SYNE1: variants seen among roughly 807,000 people sequenced by gnomAD.
The protein encoded by SYNE1 is nesprin-1.
SYNE1 carries 616 observed loss-of-function variants against 1,111.0 expected under a neutral mutation model. That is an observed-to-expected ratio of 0.55 (90% CI 0.52 to 0.59). The LOEUF (loss-of-function observed/expected upper bound fraction) is 0.59. Among genes scored for constraint, SYNE1 ranks in the 20% least tolerant of loss-of-function variants. The pLI, the probability that SYNE1 is intolerant of heterozygous loss-of-function variation, is 0.00. For missense variants in SYNE1, 10,006 were observed against 10,417.0 expected, an observed-to-expected ratio of 0.96 and a Z score of 1.72; for synonymous variants, 3,855 against 3,825.8, an observed-to-expected ratio of 1.01 and a Z score of -0.28.
At chr6:152,502,082 T>C (rs974314420) in intron 10 of SYNE1, among the ~76,000 whole-genome samples, 1 of 152,182 alleles carries the variant, frequency 6.6e-6, no homozygotes, top group Non-Finnish European at 1.5e-5. Context: ...TTTCTTGATT[T>C]AAAAAATTTA....
At chr6:152,469,340 A>G (rs2098791525) in intron 16 of SYNE1, among the ~76,000 whole-genome samples, 9 of 152,052 alleles carry the variant, frequency 5.9e-5, no homozygotes. Context: ...TATCATCATC[A>G]TTATCATTAT....
Position 152,502,684 on chromosome 6 carries a change from C to G in SYNE1, c.837G>C (p.Leu279=). Residue 279 remains leucine, a synonymous_variant, in exon 10 of 146, where the codon CTG becomes CTC. Transcript: ENST00000367255. ...CATTGTGGATGTCAGGATAATGTTT[C>G]AGAAACTGGGCTACATAGGTCATAA... ...KSIMTYVAQF[L]KHYPDIHNAS... 1 of 1,613,960 alleles carries G rather than the reference C, an allele frequency of 6.2e-7. No homozygotes were observed. The highest frequency in any genetic ancestry group is 1.3e-5 in the African/African-American group (1 of 75,042).
intron 56 of SYNE1, 107 bp from the exon 57 acceptor site, chr6:152,377,019 A>G (rs2097293714): frequency 2.2e-6 from 3 of 1,376,994 alleles, no homozygotes; most frequent in Non-Finnish European, 1.0e-6. Context: ...GTGAGAGAAG[A>G]ACCAACATGG....
rs985250652 is a variant in SYNE1, at chr6:152,387,545, A to G, written c.8178-164T>C. Among the ~76,000 whole-genome samples the G allele has an allele frequency of 5.9e-5, 9 of 152,220 alleles. No individual in the cohort carries two copies. In the East Asian group the frequency reaches 1.2e-3, roughly 20 times the overall value. On this transcript the variant is annotated intron_variant, in intron 53 of 145. Coordinates refer to ENST00000367255, the MANE Select transcript of SYNE1 (RefSeq NM_182961.4). ...GGGAGAAACACTACTTCTCTGATCC[A>G]TAAGATCCTTACCACAGGTCCTTTG...
At position 152,450,648 on chromosome 6, in the gene SYNE1, G is replaced by A. The variant is rs1373222184; in HGVS notation, c.3372C>T (p.Asp1124=). 2.5e-6 allele frequency: 4 copies of A among 1,614,148 alleles called. No individual in the cohort carries two copies. The highest frequency in any genetic ancestry group is 1.7e-5 in the Admixed American group (1 of 60,022). ...STYRKLMEDP[D]KWKDYTSRFS... ...ACCTGCTAGTGTAGTCCTTCCACTT[G>A]TCTGGGTCTTCCATGAGCTTCCTGT... The change falls in exon 27 of 146, where the codon GAC becomes GAT. Residue 1124 remains aspartate, a synonymous_variant. Transcript: ENST00000367255.
intron 73 of SYNE1, among the ~76,000 whole-genome samples, chr6:152,345,926 A>T (rs181491195): frequency 6.6e-6 from 1 of 152,322 alleles, no homozygotes; most frequent in East Asian, 1.9e-4. Flanking sequence ...TCGTTTCTCA[A>T]ATTCTATATG....
rs1253895303 is a variant in SYNE1 at position 152,455,529 on chromosome 6, T to G, written c.2789A>C (p.Lys930Thr). Residue 930 changes from lysine (K) to threonine (T), a missense_variant, in exon 24 of 146, where the codon AAG becomes ACG. Lys to Thr is a moderately conservative substitution (Grantham distance 78). This residue lies in a region of SYNE1 where 1,971 missense variants were observed against 2,084.1 expected (regional missense o/e 0.95). Transcript: ENST00000367255. Reference protein sequence around the residue: ...KHVETNSRLMKKFEESRAELE... With the variant: ...KHVETNSRLMTKFEESRAELE... ...CTCTGCTCGAGACTCCTCAAACTTC[T>G]TCATCAAGCGACTGTTGGTTTCCAC... The G allele has an allele frequency of 6.2e-7, 1 of 1,614,156 alleles. No homozygotes were observed. The highest frequency in any genetic ancestry group is 1.7e-5 in the Admixed American group (1 of 60,006).
intron 25 of SYNE1, among the ~76,000 whole-genome samples, chr6:152,451,614 C>T (rs922031179): frequency 6.6e-6 from 1 of 151,254 alleles, no homozygotes. Context: ...TCCTGAGTAG[C>T]TGGGACTACA....
At chr6:152,275,391 T>A (rs141382018) in intron 98 of SYNE1, among the ~76,000 whole-genome samples, 92 of 152,328 alleles carry the variant, frequency 6.0e-4, no homozygotes, top group African/African-American at 2.2e-3. Flanking sequence ...GAAAATACAG[T>A]TTATCACGTT....
chr6:152,415,065 C>T (rs188400162), intron 41 of SYNE1, among the ~76,000 whole-genome samples: 51 of 152,172 alleles, frequency 3.4e-4, no homozygotes, highest in African/African-American at 1.2e-3. Flanking sequence ...ACAACATAAT[C>T]TTTACCAATT....
intron 16 of SYNE1, among the ~76,000 whole-genome samples, chr6:152,469,339 C>CATT (rs1196647734): frequency 6.6e-6 from 1 of 151,916 alleles, no homozygotes; most frequent in African/African-American, 2.4e-5. Flanking sequence ...TTATCATCAT[C>CATT]ATTATCATTA....
At chr6:152,539,679 A>T (rs2099260134) in intron 4 of SYNE1, among the ~76,000 whole-genome samples, 1 of 152,226 alleles carries the variant, frequency 6.6e-6, no homozygotes, top group Non-Finnish European at 1.5e-5. Flanking sequence ...GATATGACAC[A>T]CACATTAGTA....
At chr6:152,254,480 C>T (rs2090350693) in intron 104 of SYNE1, among the ~76,000 whole-genome samples, 1 of 151,996 alleles carries the variant, frequency 6.6e-6, no homozygotes, top group East Asian at 1.9e-4. Context: ...AAACTCCTGA[C>T]CTCAAATGAT....
intron 3 of SYNE1, among the ~76,000 whole-genome samples, chr6:152,621,608 T>A (rs1393239945): frequency 6.6e-6 from 1 of 152,136 alleles, no homozygotes; most frequent in Non-Finnish European, 1.5e-5. Context: ...TTAACTGTTT[T>A]CTTTTTCTAT....
At chr6:152,409,334 T>G in intron 43 of SYNE1, 108 bp from the exon 44 acceptor site, 1 of 1,176,034 alleles carries the variant, frequency 8.5e-7, no homozygotes, top group Non-Finnish European at 1.2e-6. Context: ...ATGCAGAAAT[T>G]AGTGATAGTG....
chr6:152,176,639 G>T (rs940214736), intron 129 of SYNE1, 79 bp from the exon 130 acceptor site: 6 of 1,394,476 alleles, frequency 4.3e-6, no homozygotes, highest in Middle Eastern at 2.0e-4. Flanking sequence ...GAAACATGAT[G>T]ATTACTGCTT....
chr6:152,400,129 T>C (rs2097789958), intron 47 of SYNE1, among the ~76,000 whole-genome samples: 1 of 152,120 alleles, frequency 6.6e-6, no homozygotes, highest in African/African-American at 2.4e-5. Flanking sequence ...TTTAGTCAAT[T>C]GATTAGAGAC....
At chr6:152,179,753 C>T (rs982150149) in intron 129 of SYNE1, among the ~76,000 whole-genome samples, 41 of 127,536 alleles carry the variant, frequency 3.2e-4, no homozygotes, top group African/African-American at 8.9e-4. Context: ...GGCACGATCT[C>T]GGCTCACTGC....
At chr6:152,550,807 T>C (rs890496344) in intron 3 of SYNE1, among the ~76,000 whole-genome samples, 1 of 152,084 alleles carries the variant, frequency 6.6e-6, no homozygotes. Flanking sequence ...ATAAATAGTA[T>C]GTGCACCGTA....
Sources: allele counts gnomAD v4.1 joint callset (sites outside exome capture counted in the v4.1 genomes callset), GRCh38; gene constraint gnomAD v4.1.1; regional missense constraint gnomAD v4.1.1; transcripts MANE v1.5; gene names NCBI Gene and HGNC (gene_info 2026-07-23, HGNC 2026-07-21).